PDE8B: variants seen among roughly 807,000 people sequenced by gnomAD.
PDE8B encodes the protein high affinity cAMP-specific and IBMX-insensitive 3',5'-cyclic phosphodiesterase 8B.
Under a neutral mutation model 101.3 loss-of-function variants are expected in PDE8B, and 26 were observed. The observed-to-expected ratio is 0.26, with a 90% confidence interval of 0.19 to 0.36. PDE8B has a LOEUF of 0.36. Ranked by LOEUF, PDE8B falls within the 10% of genes least tolerant of loss-of-function variation. PDE8B has a pLI of 1.00. For missense variants in PDE8B, 810 were observed against 1,163.1 expected, an observed-to-expected ratio of 0.70 and a Z score of 4.42; for synonymous variants, 424 against 429.3, an observed-to-expected ratio of 0.99 and a Z score of 0.15.
upstream of PDE8B, among the ~76,000 whole-genome samples, chr5:77,206,277 T>C (rs1303550642): frequency 6.6e-6 from 1 of 152,160 alleles, no homozygotes; most frequent in Non-Finnish European, 1.5e-5. Flanking sequence ...GTAGAGCCAA[T>C]ATTCTAGTGG....
intron 10 of PDE8B, among the ~76,000 whole-genome samples, chr5:77,386,468 G>C (rs992034923): frequency 3.3e-5 from 5 of 152,122 alleles, no homozygotes; most frequent in Admixed American, 3.3e-4. Flanking sequence ...CTCTGTTGTT[G>C]GGTGTATATA....
At chr5:77,177,172 C>T in the PDE8B span, among the ~76,000 whole-genome samples, 11 of 151,970 alleles carry the variant, frequency 7.2e-5, no homozygotes, top group African/African-American at 1.9e-4. Flanking sequence ...GGCTCTGTTT[C>T]GCTGTATGAT....
chr5:77,300,395 C>A (rs919114075), intron 1 of PDE8B, among the ~76,000 whole-genome samples: 7 of 152,160 alleles, frequency 4.6e-5, no homozygotes, highest in Non-Finnish European at 8.8e-5. Context: ...TTTCTGTTTT[C>A]TATTCCACCA....
chr5:77,346,019 A>G (rs1780089621), intron 7 of PDE8B, among the ~76,000 whole-genome samples: 1 of 152,252 alleles, frequency 6.6e-6, no homozygotes, highest in African/African-American at 2.4e-5. Context: ...GGTAGGCAAG[A>G]GACATCATTG....
intron 1 of PDE8B, among the ~76,000 whole-genome samples, chr5:77,222,157 G>C (rs13158164): frequency 0.1 from 15,502 of 152,250 alleles, 1,100 homozygotes; most frequent in Admixed American, 0.19. Flanking sequence ...CAAACTTTGT[G>C]ACTTTGGAGA....
At chr5:77,294,135 A>G (rs1362222701) in intron 1 of PDE8B, among the ~76,000 whole-genome samples, 1 of 152,238 alleles carries the variant, frequency 6.6e-6, no homozygotes, top group East Asian at 1.9e-4. Flanking sequence ...ATAAAAACAG[A>G]CAGGGCAATA....
chr5:77,414,789 G>A (rs1167417286), intron 17 of PDE8B, among the ~76,000 whole-genome samples: 1 of 152,020 alleles, frequency 6.6e-6, no homozygotes, highest in Non-Finnish European at 1.5e-5. Flanking sequence ...GCTACCAGTT[G>A]AGAACAGCAC....
At chr5:77,232,856 A>C (rs1753848192) in intron 1 of PDE8B, among the ~76,000 whole-genome samples, 2 of 152,236 alleles carry the variant, frequency 1.3e-5, no homozygotes, top group South Asian at 2.1e-4. Flanking sequence ...TAATGATAAA[A>C]ATTTGTAATC....
At chr5:77,309,568 G>C (rs746225256) in intron 1 of PDE8B, among the ~76,000 whole-genome samples, 7 of 152,144 alleles carry the variant, frequency 4.6e-5, no homozygotes, top group Non-Finnish European at 1.0e-4. Flanking sequence ...AGAGATCACA[G>C]GGCAAGCGAA....
chr5:77,289,732 A>G (rs1349146332), intron 1 of PDE8B, among the ~76,000 whole-genome samples: 1 of 152,258 alleles, frequency 6.6e-6, no homozygotes, highest in East Asian at 1.9e-4. Flanking sequence ...CTTTACTGTG[A>G]GGCCAGTGTC....
chr5:77,388,507 G>A (rs562589277), intron 10 of PDE8B, among the ~76,000 whole-genome samples: 16 of 152,284 alleles, frequency 1.1e-4, no homozygotes, highest in East Asian at 1.9e-4. Flanking sequence ...GGTGTCTGTC[G>A]GCCCCTACTG....
upstream of PDE8B, among the ~76,000 whole-genome samples, chr5:77,208,393 A>G (rs780584629): frequency 5.9e-5 from 9 of 152,226 alleles, no homozygotes; most frequent in Non-Finnish European, 1.3e-4. Context: ...TGCTATATGC[A>G]TTATCACAGG....
chr5:77,137,376 A>G, the PDE8B span, among the ~76,000 whole-genome samples: 1 of 152,310 alleles, frequency 6.6e-6, no homozygotes, highest in Admixed American at 6.5e-5. Flanking sequence ...GCTGGGAAAG[A>G]GCTCTTTTCC....
the PDE8B span, chr5:77,151,484 C>G: frequency 1.3e-5 from 2 of 152,264 alleles, no homozygotes; most frequent in Non-Finnish European, 2.9e-5. Context: ...GAATGTTCAA[C>G]AGTCAAGAAT....
rs201549440 is a variant in PDE8B at position 77,286,586 on chromosome 5, T to TTTG, written c.340-25407_340-25406insTGT. 4.0e-3 allele frequency among the ~76,000 whole-genome samples: 605 copies of TTTG among 152,308 alleles called. 3 individuals are homozygous for TTTG. Among genetic ancestry groups the TTTG allele is most frequent in the East Asian group, 0.011 (58 of 5,190 alleles). On this transcript the variant is annotated intron_variant, in intron 1 of 21. Coordinates refer to ENST00000264917, the MANE Select transcript of PDE8B (RefSeq NM_003719.5). ...TCCAGAGCCCTTAGGTTGTCATTTT[T>TTTG]TGTGTGTTTTGTTAAAGTGTGTTGT... is the stretch of plus-strand genomic sequence containing the variant.
rs920462602 is a variant in PDE8B at position 77,358,958 on chromosome 5, C to T, written c.1167+5552C>T. Among the ~76,000 whole-genome samples, 3 of 152,186 alleles carry T rather than the reference C, an allele frequency of 2.0e-5. 1 individual carries two copies. Among genetic ancestry groups the T allele is most frequent in the East Asian group, 1.9e-4 (1 of 5,206 alleles). Reference sequence around the variant, plus strand: ...CAAATTTTTCCATTTAGCTTTAGTACGTATTTACAAGAATCTATTTAAAGA... The same window carrying T: ...CAAATTTTTCCATTTAGCTTTAGTATGTATTTACAAGAATCTATTTAAAGA... On this transcript the variant is annotated intron_variant, in intron 10 of 21. Coordinates refer to ENST00000264917, the MANE Select transcript of PDE8B (RefSeq NM_003719.5).
At chr5:77,308,185 A>G (rs1222358878) in intron 1 of PDE8B, among the ~76,000 whole-genome samples, 1 of 152,186 alleles carries the variant, frequency 6.6e-6, no homozygotes, top group African/African-American at 2.4e-5. Context: ...AGCAAGAACA[A>G]GTTCCAGTGT....
At chr5:77,210,556 G>A (rs1748027454), upstream of PDE8B, 3 of 915,680 alleles carry the variant, frequency 3.3e-6, no homozygotes, top group Non-Finnish European at 2.6e-6. The surrounding 1 kb of genome is among the most constrained non-coding windows in gnomAD (Gnocchi z 4.9). Context: ...GCGGGAGCCC[G>A]GCGAGGTCGA....
At chr5:77,422,923 A>AT (rs1796989537) in intron 20 of PDE8B, among the ~76,000 whole-genome samples, 1 of 152,138 alleles carries the variant, frequency 6.6e-6, no homozygotes, top group South Asian at 2.1e-4. Flanking sequence ...TTAAAAGGGT[A>AT]TATTGCTGAT....
Sources: allele counts gnomAD v4.1 joint callset (sites outside exome capture counted in the v4.1 genomes callset), GRCh38; gene constraint gnomAD v4.1.1; non-coding constraint Gnocchi (gnomAD v3.1); transcripts MANE v1.5; gene names NCBI Gene and HGNC (gene_info 2026-07-23, HGNC 2026-07-21).